The following CENPC variants were observed in gnomAD, a reference collection of about 807,000 sequenced individuals.
CENPC encodes centromere protein C, also known as CENP-C 1.
Under a neutral mutation model 112.1 loss-of-function variants are expected in CENPC, and 63 were observed. The observed-to-expected ratio is 0.56, with a 90% CI of 0.46 to 0.69. CENPC has a LOEUF of 0.69. Ranked by LOEUF, CENPC falls within the 30% of genes least tolerant of loss-of-function variation. The pLI is 0.00. For missense variants in CENPC, 1,000 were observed against 1,103.8 expected, an observed-to-expected ratio of 0.91 and a Z score of 1.33; for synonymous variants, 333 against 367.6, an observed-to-expected ratio of 0.91 and a Z score of 1.08.
chr4:67,474,420 T>C (rs988260181), intron 18 of CENPC, among the ~76,000 whole-genome samples: 2 of 152,122 alleles, frequency 1.3e-5, no homozygotes, highest in African/African-American at 2.4e-5. Context: ...AAAACACTAA[T>C]TGGTTGGGCA....
At chr4:67,481,983 C>T (rs1395762745) in intron 17 of CENPC, among the ~76,000 whole-genome samples, 2 of 151,970 alleles carry the variant, frequency 1.3e-5, no homozygotes, top group African/African-American at 2.4e-5. Flanking sequence ...AACAGACAAC[C>T]CAGAGTGAAA....
intron 12 of CENPC, 49 bp downstream of exon 12, chr4:67,505,156 A>G (rs1323492152): frequency 2.3e-6 from 3 of 1,293,956 alleles, no homozygotes; most frequent in East Asian, 2.5e-5. Context: ...TCCTTACTCC[A>G]TATTCATAAT....
At chr4:67,500,026 G>A (rs570302185) in intron 12 of CENPC, among the ~76,000 whole-genome samples, 2 of 151,956 alleles carry the variant, frequency 1.3e-5, no homozygotes, top group African/African-American at 2.4e-5. Flanking sequence ...TGTGGTTTGC[G>A]GTGCCCCAAA....
chr4:67,494,120 G>GA (rs1189594614), intron 13 of CENPC, 132 bp from the exon 14 acceptor site: 4 of 515,954 alleles, frequency 7.8e-6, no homozygotes, highest in Admixed American at 3.8e-5. Context: ...CAAAAGACTA[G>GA]AAAAAACAAA....
At chr4:67,505,330 T>C (rs761146385) in intron 11 of CENPC, 46 bp from the exon 12 acceptor site, 17 of 1,105,644 alleles carry the variant, frequency 1.5e-5, no homozygotes, top group Non-Finnish European at 2.2e-5. Flanking sequence ...TTATAATACA[T>C]ATATCTAATG....
intron 7 of CENPC, among the ~76,000 whole-genome samples, chr4:67,517,065 G>A (rs570698272): frequency 5.3e-5 from 8 of 152,082 alleles, no homozygotes; most frequent in Admixed American, 2.0e-4. Flanking sequence ...TCCATATGAG[G>A]TTTAAAATAT....
intron 17 of CENPC, among the ~76,000 whole-genome samples, chr4:67,488,641 G>A (rs1725155636): frequency 1.3e-5 from 2 of 151,770 alleles, no homozygotes; most frequent in South Asian, 4.1e-4. Context: ...TATAATAAAG[G>A]CATTACAGTT....
intron 17 of CENPC, among the ~76,000 whole-genome samples, chr4:67,485,339 G>C (rs1326950606): frequency 6.6e-6 from 1 of 152,168 alleles, no homozygotes; most frequent in African/African-American, 2.4e-5. Context: ...TTTATACATA[G>C]GTAGCACACA....
At chr4:67,507,041 G>A (rs906204035) in intron 10 of CENPC, 107 bp from the exon 11 acceptor site, 19 of 702,854 alleles carry the variant, frequency 2.7e-5, no homozygotes, top group African/African-American at 1.3e-4. Flanking sequence ...TGGCTATAAC[G>A]AATATCAGAT....
intron 17 of CENPC, among the ~76,000 whole-genome samples, chr4:67,483,382 A>C (rs1011895868): frequency 6.6e-6 from 1 of 152,008 alleles, no homozygotes; most frequent in Admixed American, 6.6e-5. Flanking sequence ...TATCTATGTA[A>C]CCAAACACTA....
chr4:67,506,665 A>C, intron 11 of CENPC, 123 bp downstream of exon 11: 2 of 794,322 alleles, frequency 2.5e-6, no homozygotes, highest in South Asian at 6.1e-5. Context: ...TGAGCCATAG[A>C]AACTATGAAA....
chr4:67,472,630 A>G lies in CENPC; in HGVS notation c.2807T>C (p.Leu936Pro). ...TCATCTTTTTATCTGAGTAAAAAGA[A>G]GAACACTTTCCTCATTCCGGAGATT... ...IKNLRNEESV[L>P]LFTQIKR Residue 936 changes from leucine (L) to proline (P), a missense_variant, in exon 19 of 19, where the codon CTT becomes CCT. Coordinates refer to ENST00000273853, the MANE Select transcript of CENPC (RefSeq NM_001812.4). The G allele has an allele frequency of 3.3e-6, 5 of 1,519,674 alleles. No individual in the cohort carries two copies. 94.1% of individuals were successfully genotyped at this position (1,519,674 alleles called of 1,614,324 possible).
At chr4:67,492,143 TTTAA>T (rs780170630) in intron 16 of CENPC, 33 bp downstream of exon 16, 56 of 1,318,764 alleles carry the variant, frequency 4.2e-5, no homozygotes, top group Non-Finnish European at 5.6e-5. Context: ...TTACAAATTG[TTTAA>T]TTAAGTATTT....
chr4:67,473,948 T>C (rs1174855044), intron 18 of CENPC, among the ~76,000 whole-genome samples: 4 of 152,244 alleles, frequency 2.6e-5, no homozygotes, highest in African/African-American at 9.6e-5. Context: ...TGATGAAGCA[T>C]ACCATTCTTG....
intron 17 of CENPC, among the ~76,000 whole-genome samples, chr4:67,483,548 T>TAA (rs71219045): frequency 1.5e-3 from 210 of 144,208 alleles, no homozygotes; most frequent in African/African-American, 4.5e-3. Flanking sequence ...ACCACTTATA[T>TAA]AAAAAAAAAA....
intron 17 of CENPC, among the ~76,000 whole-genome samples, chr4:67,487,026 A>G (rs1725114992): frequency 8.1e-6 from 1 of 123,878 alleles, no homozygotes; most frequent in South Asian, 2.6e-4. Flanking sequence ...CTTCTTGGAT[A>G]GTGTTGTATT....
chr4:67,475,434 C>A (rs1239868204), intron 17 of CENPC, among the ~76,000 whole-genome samples: 3 of 152,214 alleles, frequency 2.0e-5, no homozygotes, highest in Non-Finnish European at 4.4e-5. Context: ...TGCCAACAGT[C>A]TGAACGAGAC....
At chr4:67,495,103 C>G in intron 13 of CENPC, 56 bp downstream of exon 13, 1 of 1,377,040 alleles carries the variant, frequency 7.3e-7, no homozygotes, top group Non-Finnish European at 9.7e-7. Flanking sequence ...TATTTAGAAA[C>G]AGAAACTTAA....
intron 18 of CENPC, 41 bp from the exon 19 acceptor site, chr4:67,472,716 T>C (rs1231937213): frequency 6.9e-7 from 1 of 1,444,180 alleles, no homozygotes; most frequent in East Asian, 2.6e-5. Context: ...TATTTACATA[T>C]GAATCATTCT....
Sources: allele counts gnomAD v4.1 joint callset (sites outside exome capture counted in the v4.1 genomes callset), GRCh38; gene constraint gnomAD v4.1.1; transcripts MANE v1.5; gene names NCBI Gene and HGNC (gene_info 2026-07-23, HGNC 2026-07-21).